The following HPCAL1 variants were observed in gnomAD, a reference collection of about 807,000 sequenced individuals.
The protein encoded by HPCAL1 is hippocalcin-like protein 1.
HPCAL1 carries 8 observed loss-of-function variants against 17.1 expected under a neutral mutation model. The observed-to-expected ratio is 0.47, with a 90% confidence interval of 0.27 to 0.84. The LOEUF (loss-of-function observed/expected upper bound fraction) is 0.84, where lower values mean the gene tolerates loss of function less well. HPCAL1 is among the 40% of genes least tolerant of loss of function. HPCAL1 has a pLI of 0.13. For synonymous variants in HPCAL1, 112 were observed against 111.4 expected, an observed-to-expected ratio of 1.01 and a Z score of -0.03; for missense variants, 165 against 271.1, an observed-to-expected ratio of 0.61 and a Z score of 2.75.
At chr2:10,312,891 A>G (rs1394332040) in intron 1 of HPCAL1, among the ~76,000 whole-genome samples, 3 of 151,974 alleles carry the variant, frequency 2.0e-5, no homozygotes, top group Non-Finnish European at 4.4e-5. Flanking sequence ...CACCATCACT[A>G]TCATCGTCAT....
chr2:10,378,221 A>G (rs1239539665), intron 1 of HPCAL1, among the ~76,000 whole-genome samples: 1 of 114,306 alleles, frequency 8.7e-6, no homozygotes, highest in Non-Finnish European at 1.8e-5. Flanking sequence ...AGGTGGTTTC[A>G]TGTTTTTTTT....
At chr2:10,380,624 G>A (rs534226840) in intron 1 of HPCAL1, among the ~76,000 whole-genome samples, 14 of 152,230 alleles carry the variant, frequency 9.2e-5, no homozygotes, top group African/African-American at 3.4e-4. Context: ...TCCCTAGCAG[G>A]GTTGCTCCCT....
intron 2 of HPCAL1, among the ~76,000 whole-genome samples, chr2:10,398,911 CT>C (rs1669241004): frequency 1.3e-5 from 2 of 152,074 alleles, no homozygotes; most frequent in Admixed American, 1.3e-4. Context: ...GAAGGGGCCA[CT>C]TCCACTCCTT....
At chr2:10,401,897 C>CTGT (rs758945974) in intron 2 of HPCAL1, among the ~76,000 whole-genome samples, 1 of 152,082 alleles carries the variant, frequency 6.6e-6, no homozygotes. Context: ...GAAGCTTTTG[C>CTGT]TGTTGTTGTT....
At chr2:10,399,409 C>T (rs997418765) in intron 2 of HPCAL1, among the ~76,000 whole-genome samples, 208 of 56,676 alleles carry the variant, frequency 3.7e-3, no homozygotes, top group Middle Eastern at 6.6e-3. Flanking sequence ...ACCACCACCA[C>T]CACCACCACC....
chr2:10,386,274 G>C (rs1668303976), intron 1 of HPCAL1, among the ~76,000 whole-genome samples: 1 of 152,220 alleles, frequency 6.6e-6, no homozygotes, highest in Admixed American at 6.5e-5. Flanking sequence ...CCTGAATTCA[G>C]TATTCAAAGC....
chr2:10,314,134 A>AG (rs1268619004), intron 1 of HPCAL1, among the ~76,000 whole-genome samples: 4 of 151,112 alleles, frequency 2.6e-5, no homozygotes, highest in Admixed American at 2.6e-4. Flanking sequence ...ACTCCGTCTC[A>AG]GGGAAAAAAA....
At chr2:10,334,631 A>G (rs1445770683) in intron 1 of HPCAL1, among the ~76,000 whole-genome samples, 1 of 152,192 alleles carries the variant, frequency 6.6e-6, no homozygotes, top group Non-Finnish European at 1.5e-5. Flanking sequence ...ATGTTGATAC[A>G]TAGATGTGGT....
In HPCAL1 at chr2:10,359,459, C is replaced by T. The variant is rs532062628; in HGVS notation, c.-110-37376C>T. 3.9e-5 allele frequency among the ~76,000 whole-genome samples: 6 copies of T among 152,360 alleles called. No individual in the cohort carries two copies. Among genetic ancestry groups the T allele is most frequent in the South Asian group, 2.1e-4 (1 of 4,830 alleles). The stretch of plus-strand genomic sequence containing the variant: ...CCCAGAGGAAAGTCCCTGCAGGCCC[C>T]GGCCTCATGGCCTCTGTGACAGCAG... On this transcript the variant is annotated intron_variant, in intron 1 of 4. Transcript: ENST00000307845. This position sits in a 1 kb window ranked among gnomAD's most constrained non-coding sequence, Gnocchi z 4.1.
intron 1 of HPCAL1, among the ~76,000 whole-genome samples, chr2:10,339,889 G>T (rs981065083): frequency 1.3e-5 from 2 of 152,220 alleles, no homozygotes; most frequent in Non-Finnish European, 1.5e-5. Flanking sequence ...GAGCCCCTGC[G>T]TGCGCCCAGC....
At chr2:10,376,726 T>G (rs1667581393) in intron 1 of HPCAL1, among the ~76,000 whole-genome samples, 1 of 152,180 alleles carries the variant, frequency 6.6e-6, no homozygotes, top group Non-Finnish European at 1.5e-5. Flanking sequence ...TGTGAGCCAC[T>G]GCCCCCAGCC....
chr2:10,337,274 T>C (rs1452194957), intron 1 of HPCAL1, among the ~76,000 whole-genome samples: 1 of 152,176 alleles, frequency 6.6e-6, no homozygotes, highest in Non-Finnish European at 1.5e-5. Context: ...CCTCCTTTCG[T>C]GTCTTCGTGC....
intron 1 of HPCAL1, among the ~76,000 whole-genome samples, chr2:10,355,324 G>A (rs1666080089): frequency 1.3e-5 from 2 of 149,732 alleles, no homozygotes; most frequent in Admixed American, 1.3e-4. Flanking sequence ...AGTGGCGGGC[G>A]CCTGTAGTCC....
intron 3 of HPCAL1, among the ~76,000 whole-genome samples, chr2:10,422,764 C>T (rs944793115): frequency 6.6e-6 from 1 of 152,374 alleles, no homozygotes; most frequent in Non-Finnish European, 1.5e-5. Flanking sequence ...CCTCACCACC[C>T]TCCCAGTAGA....
At chr2:10,375,448 G>A (rs559235724) in intron 1 of HPCAL1, among the ~76,000 whole-genome samples, 2 of 152,240 alleles carry the variant, frequency 1.3e-5, no homozygotes, top group East Asian at 3.9e-4. Context: ...CAGAGCCGTG[G>A]GGGAGGGGGG....
In HPCAL1 at chr2:10,414,297, C is replaced by T. The variant is rs115225062; in HGVS notation, c.-24-5437C>T. Among the ~76,000 whole-genome samples, 143 of 152,326 alleles carry T rather than the reference C, an allele frequency of 9.4e-4. 1 individual carries two copies. The highest frequency in any genetic ancestry group is 2.9e-3 in the African/African-American group (120 of 41,574). On this transcript the variant is annotated intron_variant, in intron 2 of 4. Coordinates refer to ENST00000307845, the MANE Select transcript of HPCAL1 (RefSeq NM_002149.4). ...GGGTGGCTGCTGTGCTACTGTAACACGGGACTGCAGACTGGGCACTTAAAC... is the reference window on the plus strand; with the variant it reads ...GGGTGGCTGCTGTGCTACTGTAACATGGGACTGCAGACTGGGCACTTAAAC...
intron 1 of HPCAL1, among the ~76,000 whole-genome samples, chr2:10,371,921 A>G (rs1467192070): frequency 6.6e-6 from 1 of 152,182 alleles, no homozygotes; most frequent in East Asian, 1.9e-4. Flanking sequence ...GCCTTAAGCC[A>G]GCGGGCCCAA....
At position 10,399,223 on chromosome 2, in the gene HPCAL1, C is replaced by CCAT. The variant is rs1316014754; in HGVS notation, c.-25+2305_-25+2306insTCA. Among the ~76,000 whole-genome samples, 17 of 80,204 alleles carry CCAT rather than the reference C, an allele frequency of 2.1e-4. 2 individuals carry two copies. Among genetic ancestry groups the CCAT allele is most frequent in the East Asian group, 9.9e-4 (3 of 3,040 alleles). The allele number at this position is 80,204 out of a possible 152,430, so 52.6% of individuals were successfully genotyped here. On this transcript the variant is annotated intron_variant, in intron 2 of 4. Transcript: ENST00000307845. ...TAATATCACTGCACCACCACCACCA[C>CCAT]CACCACCACCACCACCATCACCACC...
Position 10,323,400 on chromosome 2 carries a change from G to A in HPCAL1, c.-111+20223G>A, listed in dbSNP as rs1028419894. Among the ~76,000 whole-genome samples, 1 of 152,244 alleles carries A rather than the reference G, an allele frequency of 6.6e-6. No homozygotes were observed. The highest frequency in any genetic ancestry group is 1.5e-5 in the Non-Finnish European group (1 of 68,046). Reference sequence around the variant, plus strand: ...AGTAGACAGAGTGCCCTGGCCAGCAGAGGCCAAACACATTCCCATTCAGCT... The same window carrying A: ...AGTAGACAGAGTGCCCTGGCCAGCAAAGGCCAAACACATTCCCATTCAGCT... On this transcript the variant is annotated intron_variant, in intron 1 of 4. Coordinates refer to ENST00000307845, the MANE Select transcript of HPCAL1 (RefSeq NM_002149.4). This position sits in a 1 kb window ranked among gnomAD's most constrained non-coding sequence, Gnocchi z 4.6.
Sources: gnomAD v4.1 joint callset for allele counts (sites outside exome capture counted in the v4.1 genomes callset) on GRCh38, gnomAD v4.1.1 for gene constraint, Gnocchi (gnomAD v3.1) non-coding constraint, MANE v1.5 for transcripts, NCBI Gene and HGNC (gene_info 2026-07-23, HGNC 2026-07-21) for gene names.